Variants in PIK3R5 observed in about 807,000 individuals in gnomAD.
PIK3R5 encodes phosphoinositide 3-kinase regulatory subunit 5.
A neutral mutation model predicts 94.9 loss-of-function variants in PIK3R5; 32 were observed. The observed-to-expected ratio is 0.34, with a 90% CI of 0.25 to 0.45. PIK3R5 has a LOEUF of 0.45. PIK3R5 is among the 20% of genes least tolerant of loss of function. PIK3R5 has a pLI of 1.00. For missense variants in PIK3R5, 853 were observed against 1,144.6 expected (o/e 0.75, Z 3.68); for synonymous variants, 443 against 479.4 (o/e 0.92, Z 0.99).
intron 1 of PIK3R5, among the ~76,000 whole-genome samples, chr17:8,921,470 A>T (rs1274997957): frequency 6.6e-6 from 1 of 152,110 alleles, no homozygotes; most frequent in Non-Finnish European, 1.5e-5. Flanking sequence ...ATAATTTTTC[A>T]CCCTCGAAAT....
intron 1 of PIK3R5, among the ~76,000 whole-genome samples, chr17:8,937,677 A>T (rs762753153): frequency 1.1e-4 from 17 of 152,202 alleles, no homozygotes; most frequent in Non-Finnish European, 1.2e-4. Context: ...AATGAAAGAT[A>T]TTGATCTGTA....
rs1025759488 is a variant in PIK3R5, at chr17:8,888,553, G to A, written c.1234C>T (p.Arg412Ter). The A allele has an allele frequency of 6.2e-7, 1 of 1,611,754 alleles. No individual in the cohort carries two copies. The highest frequency in any genetic ancestry group is 8.5e-7 in the Non-Finnish European group (1 of 1,179,700). The change falls in exon 10 of 19, where the codon CGA (arginine) becomes TGA (stop). Residue 412 changes from arginine to a stop codon, truncating the protein, a stop_gained. Coordinates refer to ENST00000447110, the MANE Select transcript of PIK3R5 (RefSeq NM_001142633.3). LOFTEE classifies it high-confidence loss of function. The surrounding 1 kb of genome is among the most constrained non-coding windows in gnomAD (Gnocchi z 7.8). ...TTCTGCCCAGGCCTGCGGTGGCCTC[G>A]GCGTTCCTGGCTGCCACGCCTCCAA... is the stretch of plus-strand genomic sequence containing the variant. ...WPWRRGSQERRGHRRPGQKFI... is the reference protein window; with the variant it reads ...WPWRRGSQER
rs578058607 is a variant in PIK3R5 at position 8,934,712 on chromosome 17, G to A, written c.-13-23205C>T. Among the ~76,000 whole-genome samples, 8 of 152,056 alleles carry A rather than the reference G, an allele frequency of 5.3e-5. No individual in the cohort carries two copies. In the South Asian group the frequency reaches 1.0e-3, roughly 20 times the overall value. Reference sequence around the variant, plus strand: ...TCTGGTACTGACGATTTAAGCACACGTAGATCAACACAATAAGTCGTATCA... The same window carrying A: ...TCTGGTACTGACGATTTAAGCACACATAGATCAACACAATAAGTCGTATCA... On this transcript the variant is annotated intron_variant, in intron 1 of 18. Coordinates refer to ENST00000447110, the MANE Select transcript of PIK3R5 (RefSeq NM_001142633.3).
At position 8,893,046 on chromosome 17, in the gene PIK3R5, C is replaced by CTGTGTGTGTGTGTGTG. The variant is rs199732856; in HGVS notation, c.482+524_482+539dup. ...GTAACCAGGATACATTTCATTTCAG[C>CTGTGTGTGTGTGTGTG]TGTGTGTGTGTGTGTGTGTGTGTGT... On this transcript the variant is annotated intron_variant, in intron 6 of 18. Transcript: ENST00000447110. The surrounding 1 kb of genome is among the most constrained non-coding windows in gnomAD (Gnocchi z 5.1). Among the ~76,000 whole-genome samples the CTGTGTGTGTGTGTGTG allele has an allele frequency of 2.2e-5, 3 of 135,886 alleles. No individual in the cohort carries two copies. The highest frequency in any genetic ancestry group is 9.1e-5 in the African/African-American group (3 of 33,128). 89.1% of individuals were successfully genotyped at this position (135,886 alleles called of 152,430 possible).
At chr17:8,923,464 T>C (rs542607557) in intron 1 of PIK3R5, among the ~76,000 whole-genome samples, 1 of 152,340 alleles carries the variant, frequency 6.6e-6, no homozygotes, top group Non-Finnish European at 1.5e-5. Flanking sequence ...GAGACTGCGG[T>C]ACAGAGTATT....
intron 1 of PIK3R5, among the ~76,000 whole-genome samples, chr17:8,936,420 T>G (rs1478402847): frequency 1.1e-4 from 16 of 152,218 alleles, no homozygotes; most frequent in Non-Finnish European, 2.4e-4. Flanking sequence ...CTATTCATCC[T>G]ACTCCCTCCA....
chr17:8,930,749 C>A lies in PIK3R5; in HGVS notation c.-13-19242G>T, dbSNP rs990722971. ...CTGGGTTAACTTCCGGAAAATTATG[C>A]TGAATAAAAACAAAGTCAATGCCAA... On this transcript the variant is annotated intron_variant, in intron 1 of 18. Coordinates refer to ENST00000447110, the MANE Select transcript of PIK3R5 (RefSeq NM_001142633.3). Among the ~76,000 whole-genome samples, 4 of 152,262 alleles carry A rather than the reference C, an allele frequency of 2.6e-5. No homozygotes were observed. In the East Asian group the frequency reaches 7.7e-4, roughly 29 times the overall value.
chr17:8,936,733 T>C (rs1180694973), intron 1 of PIK3R5, among the ~76,000 whole-genome samples: 1 of 152,228 alleles, frequency 6.6e-6, no homozygotes, highest in Non-Finnish European at 1.5e-5. Context: ...TGTTGTGTTG[T>C]TTATTCTAGG....
chr17:8,913,839 A>T (rs1027659744), intron 1 of PIK3R5, among the ~76,000 whole-genome samples: 1 of 152,120 alleles, frequency 6.6e-6, no homozygotes, highest in Non-Finnish European at 1.5e-5. Flanking sequence ...TTGCCTTTGG[A>T]TCTTCTGTTT....
intron 5 of PIK3R5, among the ~76,000 whole-genome samples, chr17:8,897,639 G>T (rs549427975): frequency 6.6e-6 from 1 of 152,118 alleles, no homozygotes; most frequent in Non-Finnish European, 1.5e-5. Context: ...TCCATTCCTC[G>T]TTTTTTTATG....
rs2091450318 is a variant in PIK3R5 at position 8,955,236 on chromosome 17, C to T, written c.-14+10360G>A. ...CCAAGGCTGAGGCCCGGGCCTCTTC[C>T]ATGCTGGCTGCTCGACCAGGCAATC... is the stretch of plus-strand genomic sequence containing the variant. On this transcript the variant is annotated intron_variant, in intron 1 of 18. Coordinates refer to ENST00000447110, the MANE Select transcript of PIK3R5 (RefSeq NM_001142633.3). This position sits in a 1 kb window ranked among gnomAD's most constrained non-coding sequence, Gnocchi z 4.4. 6.6e-6 allele frequency among the ~76,000 whole-genome samples: 1 copy of T among 152,230 alleles called. No homozygotes were observed. The highest frequency in any genetic ancestry group is 2.1e-4 in the South Asian group (1 of 4,836).
Position 8,911,611 on chromosome 17 carries a change from G to A in PIK3R5, c.-13-104C>T. 1.4e-6 allele frequency: 1 copy of A among 710,738 alleles called. No homozygotes were observed. 44.0% of individuals were successfully genotyped at this position (710,738 alleles called of 1,614,324 possible). ...CTCACAGTGCAGCGCGATCAGCCCA[G>A]CCCAGCTATAGCTCAGGTGCTGTGG... On this transcript the variant is annotated intron_variant, in intron 1 of 18. Coordinates refer to ENST00000447110, the MANE Select transcript of PIK3R5 (RefSeq NM_001142633.3). The surrounding 1 kb of genome is among the most constrained non-coding windows in gnomAD (Gnocchi z 5.3).
chr17:8,924,732 C>G (rs2090836680), intron 1 of PIK3R5, among the ~76,000 whole-genome samples: 1 of 152,212 alleles, frequency 6.6e-6, no homozygotes, highest in Non-Finnish European at 1.5e-5. Context: ...CCCCCTCCAT[C>G]CCATTCATGA....
At chr17:8,887,338 A>G (rs2089889691) in intron 11 of PIK3R5, 117 bp from the exon 12 acceptor site, 1 of 1,443,112 alleles carries the variant, frequency 6.9e-7, no homozygotes, top group Non-Finnish European at 9.4e-7. Flanking sequence ...CCCTTGGGGA[A>G]GTATGACAAC....
At chr17:8,903,041 C>T (rs2090322990) in intron 5 of PIK3R5, among the ~76,000 whole-genome samples, 1 of 152,008 alleles carries the variant, frequency 6.6e-6, no homozygotes, top group Non-Finnish European at 1.5e-5. Flanking sequence ...GATGGGGTTT[C>T]ACCATATTGG....
At chr17:8,901,626 G>A (rs562682461) in intron 5 of PIK3R5, among the ~76,000 whole-genome samples, 3 of 152,274 alleles carry the variant, frequency 2.0e-5, no homozygotes, top group Non-Finnish European at 2.9e-5. Context: ...AGAATTAAAC[G>A]CTGCCAGTAC....
At chr17:8,927,458 C>T (rs1189825589) in intron 1 of PIK3R5, among the ~76,000 whole-genome samples, 2 of 152,224 alleles carry the variant, frequency 1.3e-5, no homozygotes, top group African/African-American at 4.8e-5. Flanking sequence ...AGCCCCCTCC[C>T]ACTCCACAGT....
At chr17:8,924,082 T>G in intron 1 of PIK3R5, among the ~76,000 whole-genome samples, 1 of 77,442 alleles carries the variant, frequency 1.3e-5, no homozygotes, top group South Asian at 5.9e-4. Flanking sequence ...TCCCCTTCCC[T>G]TCCCTTTCCT....
intron 1 of PIK3R5, among the ~76,000 whole-genome samples, chr17:8,920,564 C>G (rs909533731): frequency 6.6e-6 from 1 of 152,214 alleles, no homozygotes. Flanking sequence ...ACTTCAGCTG[C>G]TCTCCTCAAG....
Sources: gnomAD v4.1 joint callset for allele counts (sites outside exome capture counted in the v4.1 genomes callset) on GRCh38, gnomAD v4.1.1 for gene constraint, Gnocchi (gnomAD v3.1) non-coding constraint, MANE v1.5 for transcripts, NCBI Gene and HGNC (gene_info 2026-07-23, HGNC 2026-07-21) for gene names.